The following CNTFR variants were observed in gnomAD, a reference collection of about 807,000 sequenced individuals.
CNTFR encodes ciliary neurotrophic factor receptor.
Under a neutral mutation model 40.4 loss-of-function variants are expected in CNTFR, and 12 were observed. The ratio of observed to expected loss-of-function variants is 0.30; its 90% confidence interval spans 0.19 to 0.48. CNTFR has a LOEUF of 0.48. CNTFR is among the 20% of genes least tolerant of loss of function. The pLI is 0.99. For missense variants in CNTFR, 414 were observed against 506.8 expected, an observed-to-expected ratio of 0.82 and a Z score of 1.76; for synonymous variants, 202 against 209.6, an observed-to-expected ratio of 0.96 and a Z score of 0.31.
intron 1 of CNTFR, among the ~76,000 whole-genome samples, chr9:34,585,784 G>A (rs879469417): frequency 2.6e-5 from 4 of 152,176 alleles, no homozygotes; most frequent in Non-Finnish European, 4.4e-5. Flanking sequence ...ACCCAATGGT[G>A]GGTCTGGAGG....
rs543539777 is a variant in CNTFR, at chr9:34,572,921, C to T, written c.1-3940G>A. On this transcript the variant is annotated intron_variant, in intron 2 of 9. Coordinates refer to ENST00000378980, the MANE Select transcript of CNTFR (RefSeq NM_147164.3). Reference sequence around the variant, plus strand: ...ACTCAGTCACATCGAGTCACACTGACGGTGACATCAACACAGTGACACAGC... The same window carrying T: ...ACTCAGTCACATCGAGTCACACTGATGGTGACATCAACACAGTGACACAGC... 5.8e-4 allele frequency among the ~76,000 whole-genome samples: 88 copies of T among 152,176 alleles called. 1 individual carries two copies. Among genetic ancestry groups the T allele is most frequent in the Non-Finnish European group, 4.3e-4 (29 of 68,030 alleles).
chr9:34,554,404 C>T (rs977304907), intron 7 of CNTFR, among the ~76,000 whole-genome samples: 3 of 152,146 alleles, frequency 2.0e-5, no homozygotes, highest in Non-Finnish European at 4.4e-5. Context: ...AATGTGGCCC[C>T]CAGGAGGTCA....
chr9:34,573,311 G>C (rs1056899800), intron 2 of CNTFR, among the ~76,000 whole-genome samples: 4 of 152,196 alleles, frequency 2.6e-5, no homozygotes, highest in African/African-American at 4.8e-5. Flanking sequence ...AGGTCAGGGT[G>C]GGGGATAATG....
At chr9:34,586,689 C>G (rs1309787511) in intron 1 of CNTFR, among the ~76,000 whole-genome samples, 1 of 152,190 alleles carries the variant, frequency 6.6e-6, no homozygotes, top group African/African-American at 2.4e-5. Flanking sequence ...TACTCCTGTA[C>G]CAACAATCCA....
intron 2 of CNTFR, among the ~76,000 whole-genome samples, chr9:34,574,717 G>C (rs1228146572): frequency 6.6e-6 from 1 of 152,254 alleles, no homozygotes; most frequent in African/African-American, 2.4e-5. Flanking sequence ...CGGAGATGGG[G>C]TCCTGGAGGG....
chr9:34,561,816 T>A (rs1485410077), intron 4 of CNTFR, among the ~76,000 whole-genome samples: 1 of 152,212 alleles, frequency 6.6e-6, no homozygotes, highest in Admixed American at 6.5e-5. Context: ...GAGACGATAA[T>A]GATTAATATC....
chr9:34,587,639 G>C (rs1827599990), intron 1 of CNTFR, among the ~76,000 whole-genome samples: 1 of 152,184 alleles, frequency 6.6e-6, no homozygotes, highest in Admixed American at 6.5e-5. Context: ...ATGAACCCCA[G>C]TGTCCTCAGC....
Position 34,564,780 on chromosome 9 carries a change from A to G in CNTFR, c.138T>C (p.Cys46=). The change falls in exon 4 of 10, where the codon TGT becomes TGC. Residue 46 remains cysteine (C), a synonymous_variant. Coordinates refer to ENST00000378980, the MANE Select transcript of CNTFR (RefSeq NM_147164.3). ...CCGCAGCATCCCAGTTTGCTGTCCC[A>G]CATGGCAGTGTCACGTCAGAGCCCA... The part of the protein sequence containing the change: ...ERLGSDVTLP[C]GTANWDAAVT... The G allele has an allele frequency of 6.2e-7, 1 of 1,613,996 alleles. No individual in the cohort carries two copies. The highest frequency in any genetic ancestry group is 8.5e-7 in the Non-Finnish European group (1 of 1,179,982).
chr9:34,563,736 T>C (rs1826165376), intron 4 of CNTFR, among the ~76,000 whole-genome samples: 1 of 152,064 alleles, frequency 6.6e-6, no homozygotes, highest in African/African-American at 2.4e-5. Flanking sequence ...CCTTCCCACC[T>C]CCAATCCATC....
At chr9:34,579,363 G>A (rs79563726) in intron 2 of CNTFR, among the ~76,000 whole-genome samples, 7,021 of 152,032 alleles carry the variant, frequency 0.046, 236 homozygotes, top group South Asian at 0.066. Context: ...ACTTGGCAGC[G>A]TTGGGCGTTT....
chr9:34,554,842 G>A (rs1825771091), intron 7 of CNTFR, among the ~76,000 whole-genome samples: 1 of 152,234 alleles, frequency 6.6e-6, no homozygotes, highest in African/African-American at 2.4e-5. Flanking sequence ...AACTTCAGCT[G>A]AAAAGAACCA....
chr9:34,580,723 A>T (rs1827248529), intron 2 of CNTFR, among the ~76,000 whole-genome samples: 4 of 152,142 alleles, frequency 2.6e-5, no homozygotes, highest in Admixed American at 2.6e-4. Flanking sequence ...CTGCCATCCC[A>T]TCTTTTTAAA....
At position 34,552,555 on chromosome 9, in the gene CNTFR, A is replaced by C. The variant is rs530624614; in HGVS notation, c.949+119T>G. On this transcript the variant is annotated intron_variant, in intron 8 of 9. Transcript: ENST00000378980. This position sits in a 1 kb window ranked among gnomAD's most constrained non-coding sequence, Gnocchi z 5.1. ...AATGGCAGGAGTTGGACAGACAGGC[A>C]GAAGTGTGGCTACCCCCGGGAGCAG... 4,878 of 1,157,176 alleles carry C rather than the reference A, an allele frequency of 4.2e-3. 24 individuals are homozygous for C. The highest frequency in any genetic ancestry group is 0.017 in the Middle Eastern group (60 of 3,494). The allele number at this position is 1,157,176 out of a possible 1,614,324, so 71.7% of individuals were successfully genotyped here. A position where few individuals can be genotyped will look rare whatever the true frequency, so the allele number is the denominator to read the frequency against.
At chr9:34,553,167 T>A (rs946220831) in intron 7 of CNTFR, among the ~76,000 whole-genome samples, 9 of 152,082 alleles carry the variant, frequency 5.9e-5, no homozygotes, top group African/African-American at 2.2e-4. Flanking sequence ...TTGCCCCTGC[T>A]CTCTCACAGC....
At chr9:34,579,230 A>G (rs1427524303) in intron 2 of CNTFR, among the ~76,000 whole-genome samples, 2 of 150,996 alleles carry the variant, frequency 1.3e-5, no homozygotes, top group Non-Finnish European at 3.0e-5. Flanking sequence ...CGGGGGAGGG[A>G]GGGGGATCCA....
In CNTFR at chr9:34,552,436, C is replaced by G; in HGVS notation, c.950-107G>C. 1 of 1,259,842 alleles carries G rather than the reference C, an allele frequency of 7.9e-7. No homozygotes were observed. The highest frequency in any genetic ancestry group is 1.1e-6 in the Non-Finnish European group (1 of 926,464). The allele number at this position is 1,259,842 out of a possible 1,614,324, so 78.0% of individuals were successfully genotyped here. On this transcript the variant is annotated intron_variant, in intron 8 of 9. Coordinates refer to ENST00000378980, the MANE Select transcript of CNTFR (RefSeq NM_147164.3). This position sits in a 1 kb window ranked among gnomAD's most constrained non-coding sequence, Gnocchi z 5.1. ...GCTTCCTGCATCAGACTGGTACTGC[C>G]TCCCCCATCAGGCAGATCCTGTTTC...
chr9:34,567,169 C>T, intron 3 of CNTFR, among the ~76,000 whole-genome samples: 1 of 38,018 alleles, frequency 2.6e-5, no homozygotes, highest in Non-Finnish European at 5.7e-5. Context: ...TTAAATCAAG[C>T]AGCAGGGGGA....
At chr9:34,582,284 A>AAAAAAAAC (rs1472925950) in intron 1 of CNTFR, 39 of 149,882 alleles carry the variant, frequency 2.6e-4, no homozygotes, top group African/African-American at 8.3e-4. Context: ...GGCAAAAAAA[A>AAAAAAAAC]AAAAAAAAAA....
rs559141372 is a variant in CNTFR at position 34,577,817 on chromosome 9, T to TG, written c.-1+3277dup. Among the ~76,000 whole-genome samples the TG allele has an allele frequency of 3.2e-4, 47 of 148,192 alleles. 1 individual carries two copies. The South Asian group carries it at 7.1e-3, about 22-fold the overall frequency. On this transcript the variant is annotated intron_variant, in intron 2 of 9. Coordinates refer to ENST00000378980, the MANE Select transcript of CNTFR (RefSeq NM_147164.3). ...CCACCGGCTGCAGAGGCAGGGGGGC[T>TG]GGGGGGAGAGACAGAGAAGAGAAAA...
Sources: gnomAD v4.1 joint callset for allele counts (sites outside exome capture counted in the v4.1 genomes callset) on GRCh38, gnomAD v4.1.1 for gene constraint, Gnocchi (gnomAD v3.1) non-coding constraint, MANE v1.5 for transcripts, NCBI Gene and HGNC (gene_info 2026-07-23, HGNC 2026-07-21) for gene names.